Variants in EPDR1 observed in about 807,000 individuals in gnomAD.
EPDR1 encodes ependymin related 1, also known as mammalian ependymin-related protein 1.
Under a neutral mutation model 23.7 loss-of-function variants are expected in EPDR1, and 27 were observed. The observed-to-expected ratio is 1.14, with a 90% CI of 0.84 to 1.57. EPDR1 has a LOEUF of 1.57. Ranked by LOEUF, EPDR1 falls within the 40% of genes most tolerant of loss-of-function variation. The probability of loss-of-function intolerance (pLI) is 0.00; values close to 1 mark genes in which losing one functional copy is unlikely to be tolerated. For missense variants in EPDR1, 349 were observed against 290.4 expected, an observed-to-expected ratio of 1.20 and a Z score of -1.47; for synonymous variants, 137 against 118.2, an observed-to-expected ratio of 1.16 and a Z score of -1.03.
At chr7:37,938,009 G>A (rs1479499061) in intron 1 of EPDR1, among the ~76,000 whole-genome samples, 1 of 17,142 alleles carries the variant, frequency 5.8e-5, no homozygotes, top group Non-Finnish European at 1.1e-4. Context: ...TTTTTTTTTT[G>A]AGATGGAGCC....
chr7:37,921,510 C>A lies in EPDR1; in HGVS notation c.269+302C>A. 3.0e-6 allele frequency: 4 copies of A among 1,316,642 alleles called. No homozygotes were observed. In the South Asian group the frequency reaches 7.1e-5, roughly 23 times the overall value. 81.6% of individuals were successfully genotyped at this position (1,316,642 alleles called of 1,614,324 possible). On this transcript the variant is annotated intron_variant, in intron 1 of 2. Coordinates refer to ENST00000199448, the MANE Select transcript of EPDR1 (RefSeq NM_017549.5). The stretch of plus-strand genomic sequence containing the variant: ...CTGCAGAGTGCCCCATGCCCAGGTT[C>A]GCCCCTGTTCTCACGCTGCTGAGTC...
intron 2 of EPDR1, 122 bp from the exon 3 acceptor site, chr7:37,950,078 C>T (rs1382597421): frequency 1.4e-6 from 1 of 707,722 alleles, no homozygotes. Flanking sequence ...CTCAAGGCCA[C>T]CAAACACTTA....
chr7:37,940,087 T>G (rs561619333), intron 1 of EPDR1, among the ~76,000 whole-genome samples: 1 of 152,286 alleles, frequency 6.6e-6, no homozygotes, highest in South Asian at 2.1e-4. Flanking sequence ...ACAGTAAATT[T>G]ACATGGCCAT....
intron 1 of EPDR1, among the ~76,000 whole-genome samples, chr7:37,929,186 C>T (rs1192413652): frequency 1.3e-5 from 2 of 152,178 alleles, no homozygotes; most frequent in African/African-American, 2.4e-5. Context: ...TTCTCAGTGC[C>T]CCCTCACTGC....
chr7:37,942,273 T>C (rs900563669), intron 1 of EPDR1, among the ~76,000 whole-genome samples: 8 of 152,172 alleles, frequency 5.3e-5, no homozygotes, highest in African/African-American at 1.9e-4. Context: ...TACAGTGGGA[T>C]GTTATTCAGC....
intron 1 of EPDR1, among the ~76,000 whole-genome samples, chr7:37,927,575 A>G (rs561163655): frequency 1.3e-5 from 2 of 152,340 alleles, no homozygotes; most frequent in South Asian, 2.1e-4. Context: ...GTTCAAGAGA[A>G]AGGAGTAGAT....
At chr7:37,925,902 C>A (rs1010954763) in intron 1 of EPDR1, among the ~76,000 whole-genome samples, 1 of 152,148 alleles carries the variant, frequency 6.6e-6, no homozygotes, top group Non-Finnish European at 1.5e-5. Context: ...TCAATCTGTC[C>A]CATTGTGTAG....
intron 1 of EPDR1, among the ~76,000 whole-genome samples, chr7:37,938,922 T>G (rs927632580): frequency 1.3e-5 from 2 of 152,160 alleles, no homozygotes; most frequent in Admixed American, 1.3e-4. Flanking sequence ...TTGTTTCTCC[T>G]GTTAATTGTC....
chr7:37,938,714 G>A (rs893960733), intron 1 of EPDR1, among the ~76,000 whole-genome samples: 11 of 152,190 alleles, frequency 7.2e-5, no homozygotes, highest in Non-Finnish European at 1.3e-4. Context: ...TTCAGCTCAT[G>A]TTACAATTCG....
At chr7:37,930,888 A>G (rs1355777394) in intron 1 of EPDR1, among the ~76,000 whole-genome samples, 3 of 152,216 alleles carry the variant, frequency 2.0e-5, no homozygotes, top group Admixed American at 6.5e-5. Flanking sequence ...GAATTTTTAT[A>G]GTGTGTGTGT....
In EPDR1 at chr7:37,921,220, C is replaced by A. The variant is rs905935905; in HGVS notation, c.269+12C>A. 2 of 1,575,522 alleles carry A rather than the reference C, an allele frequency of 1.3e-6. No homozygotes were observed. The highest frequency in any genetic ancestry group is 1.8e-5 in the Admixed American group (1 of 56,658). On this transcript the variant is annotated intron_variant, in intron 1 of 2. Transcript: ENST00000199448. ...ATCCCCTGCAAGAGGTACAGGTCAT[C>A]GGCCCGCGGGGCGGGAGTAGGGAGC... is the stretch of plus-strand genomic sequence containing the variant.
In EPDR1 at chr7:37,944,960, C is replaced by G. The variant is rs530469161; in HGVS notation, c.270-3880C>G. On this transcript the variant is annotated intron_variant, in intron 1 of 2. Transcript: ENST00000199448. Reference sequence around the variant, plus strand: ...AAAAGCTAGGAATGCCTTTCTAGCCCAGATATCTAGCACTGGGGAAAGCAC... The same window carrying G: ...AAAAGCTAGGAATGCCTTTCTAGCCGAGATATCTAGCACTGGGGAAAGCAC... Among the ~76,000 whole-genome samples the G allele has an allele frequency of 1.0e-3, 157 of 152,258 alleles. 1 individual carries two copies. In the Middle Eastern group the frequency reaches 0.017, roughly 16 times the overall value.
intron 1 of EPDR1, among the ~76,000 whole-genome samples, chr7:37,940,316 G>C (rs953117374): frequency 5.9e-5 from 9 of 152,240 alleles, no homozygotes; most frequent in African/African-American, 2.2e-4. Flanking sequence ...GAGGAGATAG[G>C]GATGGAAGGG....
chr7:37,949,279 C>A (rs1224552996), intron 2 of EPDR1, among the ~76,000 whole-genome samples: 1 of 152,202 alleles, frequency 6.6e-6, no homozygotes, highest in Admixed American at 6.5e-5. Context: ...GCCACTTTGG[C>A]TCCTGTGAAC....
At chr7:37,940,541 G>A (rs548351251) in intron 1 of EPDR1, among the ~76,000 whole-genome samples, 38 of 152,170 alleles carry the variant, frequency 2.5e-4, no homozygotes, top group African/African-American at 8.2e-4. Flanking sequence ...ACTGACTCTC[G>A]ATACTAGGGA....
At position 37,948,929 on chromosome 7, in the gene EPDR1, A is replaced by T; in HGVS notation, c.359A>T (p.Gln120Leu). The stretch of plus-strand genomic sequence containing the variant: ...CAGTGCTCAAAGATGACCCTGACAC[A>T]GCCCTGGGATCCTCTTGACATTCCT... ...TKQCSKMTLTQPWDPLDIPQN... is the reference protein window; with the variant it reads ...TKQCSKMTLTLPWDPLDIPQN... Residue 120 changes from glutamine to leucine, a missense_variant, in exon 2 of 3, where the codon CAG becomes CTG. Physicochemically the swap from Gln to Leu is moderately radical, Grantham distance 113 (BLOSUM62 -2). Transcript: ENST00000199448. The T allele has an allele frequency of 6.2e-7, 1 of 1,614,164 alleles. No individual in the cohort carries two copies. The highest frequency in any genetic ancestry group is 2.2e-5 in the East Asian group (1 of 44,876).
intron 1 of EPDR1, among the ~76,000 whole-genome samples, chr7:37,945,391 A>T (rs544214135): frequency 6.6e-6 from 1 of 152,206 alleles, no homozygotes; most frequent in Non-Finnish European, 1.5e-5. Context: ...AGCCGTTTCA[A>T]ATCTTTTCTG....
chr7:37,924,658 T>C (rs1011245437), intron 1 of EPDR1, among the ~76,000 whole-genome samples: 5 of 152,238 alleles, frequency 3.3e-5, no homozygotes, highest in Admixed American at 2.6e-4. Flanking sequence ...AAAGACATTG[T>C]TTTCCCTTTC....
intron 1 of EPDR1, among the ~76,000 whole-genome samples, chr7:37,923,013 C>T (rs1785741192): frequency 6.6e-6 from 1 of 152,096 alleles, no homozygotes; most frequent in Admixed American, 6.5e-5. Flanking sequence ...TATGTGTGTG[C>T]CATCCCGGAG....
Sources: gnomAD v4.1 joint callset for allele counts (sites outside exome capture counted in the v4.1 genomes callset) on GRCh38, gnomAD v4.1.1 for gene constraint, MANE v1.5 for transcripts, NCBI Gene and HGNC (gene_info 2026-07-23, HGNC 2026-07-21) for gene names.